The following TENM2 variants were observed in gnomAD, a reference collection of about 807,000 sequenced individuals.
TENM2 encodes teneurin transmembrane protein 2.
A neutral mutation model predicts 245.2 loss-of-function variants in TENM2; 52 were observed. The observed-to-expected ratio is 0.21, with a 90% CI of 0.17 to 0.27. The LOEUF is 0.27. TENM2 is among the 10% of genes least tolerant of loss of function. The probability of loss-of-function intolerance (pLI) is 1.00; values close to 1 mark genes in which losing one functional copy is unlikely to be tolerated. For missense variants in TENM2, 3,046 were observed against 3,666.8 expected (o/e 0.83, Z 4.37); for synonymous variants, 1,363 against 1,438.9 (o/e 0.95, Z 1.19).
intron 2 of TENM2, among the ~76,000 whole-genome samples, chr5:167,376,857 T>G (rs1433697059): frequency 6.6e-6 from 1 of 152,202 alleles, no homozygotes; most frequent in Non-Finnish European, 1.5e-5. Flanking sequence ...CTTTTTCAGC[T>G]TCATTGTGTG....
chr5:167,945,677 G>A (rs963824978), intron 3 of TENM2, among the ~76,000 whole-genome samples: 5 of 152,176 alleles, frequency 3.3e-5, no homozygotes, highest in African/African-American at 9.7e-5. Flanking sequence ...TGATCTGTGC[G>A]TCATTGCGAA....
intron 2 of TENM2, among the ~76,000 whole-genome samples, chr5:167,553,809 T>C (rs1312549802): frequency 6.6e-6 from 1 of 151,916 alleles, no homozygotes; most frequent in East Asian, 1.9e-4. Flanking sequence ...ATGGATGGAG[T>C]TAAATACCAG....
chr5:167,987,567 T>A (rs796608801), intron 4 of TENM2, among the ~76,000 whole-genome samples: 7 of 152,132 alleles, frequency 4.6e-5, no homozygotes, highest in African/African-American at 1.7e-4. Flanking sequence ...ATGATTCGCC[T>A]GCCTCGGCCT....
the TENM2 span, among the ~76,000 whole-genome samples, chr5:167,036,945 T>C: frequency 6.6e-6 from 1 of 152,218 alleles, no homozygotes; most frequent in Non-Finnish European, 1.5e-5. Context: ...AACTTGTTAT[T>C]TCTCTGGCCT....
intron 4 of TENM2, among the ~76,000 whole-genome samples, chr5:167,961,416 A>T (rs977102085): frequency 6.6e-6 from 1 of 152,186 alleles, no homozygotes; most frequent in African/African-American, 2.4e-5. Flanking sequence ...AAACTGCCAT[A>T]GAGTTTGTTA....
chr5:167,795,297 T>G (rs967253841), intron 2 of TENM2, among the ~76,000 whole-genome samples: 3 of 152,136 alleles, frequency 2.0e-5, no homozygotes, highest in Admixed American at 1.3e-4. Context: ...AAATAGAGAT[T>G]GGTACAGGTG....
the TENM2 span, among the ~76,000 whole-genome samples, chr5:167,270,858 A>G: frequency 6.6e-6 from 1 of 152,100 alleles, no homozygotes; most frequent in South Asian, 2.1e-4. Context: ...TTAACAACTC[A>G]CTTAACCTCT....
At chr5:167,812,139 T>G (rs1411472151) in intron 2 of TENM2, among the ~76,000 whole-genome samples, 1 of 152,114 alleles carries the variant, frequency 6.6e-6, no homozygotes, top group Non-Finnish European at 1.5e-5. Context: ...AATAAAGACT[T>G]AAAGTGCTAC....
At chr5:167,375,708 CAGTT>C (rs1360945201) in intron 2 of TENM2, among the ~76,000 whole-genome samples, 25 of 152,092 alleles carry the variant, frequency 1.6e-4, no homozygotes, top group African/African-American at 6.0e-4. Flanking sequence ...CAGGTGTAGT[CAGTT>C]GGTCTTATTA....
intron 13 of TENM2, among the ~76,000 whole-genome samples, chr5:168,176,565 C>T (rs1320272631): frequency 6.6e-6 from 1 of 152,148 alleles, no homozygotes; most frequent in East Asian, 1.9e-4. Context: ...AAAATCCCCT[C>T]CTTCATCACT....
intron 2 of TENM2, among the ~76,000 whole-genome samples, chr5:167,609,519 C>CAAAAAAAAAT (rs1171421408): frequency 3.5e-4 from 45 of 128,954 alleles, no homozygotes; most frequent in East Asian, 2.7e-3. Flanking sequence ...AAAACAAAAC[C>CAAAAAAAAAT]TTACCTAGAA....
chr5:168,178,056 G>A (rs972248561), intron 13 of TENM2, among the ~76,000 whole-genome samples: 1 of 152,276 alleles, frequency 6.6e-6, no homozygotes, highest in South Asian at 2.1e-4. Flanking sequence ...AGAAGGAGAA[G>A]CATCATGCGC....
At chr5:167,447,110 G>A (rs952456178) in intron 2 of TENM2, among the ~76,000 whole-genome samples, 2 of 152,170 alleles carry the variant, frequency 1.3e-5, no homozygotes, top group South Asian at 2.1e-4. Flanking sequence ...AAATGACTGA[G>A]TGTGTGGAAT....
At chr5:167,944,353 C>T (rs1779432425) in intron 3 of TENM2, among the ~76,000 whole-genome samples, 1 of 151,926 alleles carries the variant, frequency 6.6e-6, no homozygotes, top group Non-Finnish European at 1.5e-5. Flanking sequence ...CGCCCTCAGA[C>T]ATTCACATGT....
intron 2 of TENM2, among the ~76,000 whole-genome samples, chr5:167,484,156 C>T (rs1321127535): frequency 6.6e-6 from 1 of 152,064 alleles, no homozygotes; most frequent in Non-Finnish European, 1.5e-5. Context: ...ACCAGCCTGA[C>T]CAATATGGTG....
At chr5:168,118,780 TTC>T (rs1340462739) in intron 10 of TENM2, among the ~76,000 whole-genome samples, 1 of 152,186 alleles carries the variant, frequency 6.6e-6, no homozygotes, top group East Asian at 1.9e-4. Context: ...GCCTTTGTCT[TTC>T]TGTCTTCTCT....
chr5:167,435,023 G>A (rs962445461), intron 2 of TENM2, among the ~76,000 whole-genome samples: 2 of 152,240 alleles, frequency 1.3e-5, no homozygotes, highest in Non-Finnish European at 2.9e-5. Context: ...TGATGCCAAC[G>A]TAGTGGCAAT....
intron 2 of TENM2, among the ~76,000 whole-genome samples, chr5:167,708,752 C>T (rs1178795506): frequency 6.6e-6 from 1 of 152,130 alleles, no homozygotes; most frequent in African/African-American, 2.4e-5. Flanking sequence ...AAGAACTATG[C>T]TTTTACCGTA....
the TENM2 span, among the ~76,000 whole-genome samples, chr5:167,240,172 T>A: frequency 6.6e-6 from 1 of 152,218 alleles, no homozygotes; most frequent in African/African-American, 2.4e-5. Context: ...CCTTAAGTAT[T>A]CTTGTGCTGA....
Sources: gnomAD v4.1 joint callset for allele counts (sites outside exome capture counted in the v4.1 genomes callset) on GRCh38, gnomAD v4.1.1 for gene constraint, MANE v1.5 for transcripts, NCBI Gene and HGNC (gene_info 2026-07-23, HGNC 2026-07-21) for gene names.